The following SPOCK3 variants were observed in gnomAD, a reference collection of about 807,000 sequenced individuals.
SPOCK3 encodes SPARC (osteonectin), cwcv and kazal like domains proteoglycan 3.
Under a neutral mutation model 56.6 loss-of-function variants are expected in SPOCK3, and 30 were observed. The observed-to-expected ratio is 0.53, with a 90% CI of 0.40 to 0.72. SPOCK3 has a LOEUF of 0.72. Ranked by LOEUF, SPOCK3 falls within the 30% of genes least tolerant of loss-of-function variation. The pLI is 0.00. For synonymous variants in SPOCK3, 196 were observed against 183.3 expected, an observed-to-expected ratio of 1.07 and a Z score of -0.56; for missense variants, 527 against 530.0, an observed-to-expected ratio of 0.99 and a Z score of 0.06.
chr4:167,122,033 GCCTC>G (rs1175612396), intron 2 of SPOCK3, among the ~76,000 whole-genome samples: 1 of 150,722 alleles, frequency 6.6e-6, no homozygotes, highest in African/African-American at 2.4e-5. Flanking sequence ...TTCCCTCCCT[GCCTC>G]CCTCCCTTCC....
chr4:167,148,130 G>A (rs1764126997), intron 2 of SPOCK3, among the ~76,000 whole-genome samples: 1 of 152,024 alleles, frequency 6.6e-6, no homozygotes, highest in African/African-American at 2.4e-5. Flanking sequence ...ACTCTCAACA[G>A]TGTTCTTGAG....
chr4:167,040,619 G>C (rs1753159414), intron 3 of SPOCK3, among the ~76,000 whole-genome samples: 1 of 152,076 alleles, frequency 6.6e-6, no homozygotes, highest in Non-Finnish European at 1.5e-5. Flanking sequence ...ACATATTTTT[G>C]TAAATTTCTC....
intron 2 of SPOCK3, among the ~76,000 whole-genome samples, chr4:167,162,184 C>CA (rs1033080822): frequency 6.6e-6 from 1 of 151,894 alleles, no homozygotes; most frequent in African/African-American, 2.4e-5. Flanking sequence ...AAACCTAGCA[C>CA]AAAAAAATAC....
chr4:166,811,871 T>C (rs1743846105), intron 6 of SPOCK3, among the ~76,000 whole-genome samples: 1 of 151,896 alleles, frequency 6.6e-6, no homozygotes, highest in African/African-American at 2.4e-5. Context: ...AACAGTATTT[T>C]AGGAAAATGT....
rs547297714 is a variant in SPOCK3, at chr4:167,190,491, T to C, written c.189+43494A>G. Among the ~76,000 whole-genome samples the C allele has an allele frequency of 8.9e-5, 13 of 146,554 alleles. 1 individual carries two copies. Among genetic ancestry groups the C allele is most frequent in the African/African-American group, 2.8e-4 (11 of 38,614 alleles). ...ATTTGTTTTGGCATATTGAGTTGCA[T>C]GCATTCTTTACATATTTTTGGATGT... On this transcript the variant is annotated intron_variant, in intron 2 of 10. Transcript: ENST00000357545.
At chr4:166,947,755 C>T (rs561606620) in intron 4 of SPOCK3, among the ~76,000 whole-genome samples, 27 of 152,118 alleles carry the variant, frequency 1.8e-4, no homozygotes, top group East Asian at 7.7e-4. Context: ...CATAATTGCA[C>T]GGATTCATGA....
At chr4:167,129,223 A>G (rs1257645226) in intron 2 of SPOCK3, among the ~76,000 whole-genome samples, 3 of 152,236 alleles carry the variant, frequency 2.0e-5, no homozygotes, top group African/African-American at 7.2e-5. Flanking sequence ...AACTGTGAAG[A>G]TAGGGCTCAG....
chr4:167,225,532 T>A (rs1204044921), intron 2 of SPOCK3, among the ~76,000 whole-genome samples: 1 of 152,068 alleles, frequency 6.6e-6, no homozygotes. Flanking sequence ...TATTATTAAA[T>A]TAATTATGTG....
intron 7 of SPOCK3, among the ~76,000 whole-genome samples, chr4:166,783,366 A>G (rs17052596): frequency 0.037 from 5,581 of 152,234 alleles, 290 homozygotes; most frequent in African/African-American, 0.12. Context: ...CTAAAAAAAA[A>G]GAAAGCAGTA....
At chr4:166,989,650 G>A (rs1330407877) in intron 4 of SPOCK3, among the ~76,000 whole-genome samples, 1 of 152,072 alleles carries the variant, frequency 6.6e-6, no homozygotes, top group Non-Finnish European at 1.5e-5. Flanking sequence ...TTTAACCAAT[G>A]AAAAAGTTGA....
At chr4:166,870,402 C>G (rs754505263) in intron 6 of SPOCK3, among the ~76,000 whole-genome samples, 12 of 151,840 alleles carry the variant, frequency 7.9e-5, no homozygotes, top group Non-Finnish European at 1.6e-4. Flanking sequence ...CATCCCAAAC[C>G]CAAATTCTTC....
rs1409959614 is a variant in SPOCK3 at position 167,005,300 on chromosome 4, C to T, written c.236-4837G>A. ...TCTCAGCTCACTGCAAGCTCTGCCT[C>T]CCGGGTTCATGCCATTCTCCTGCCT... On this transcript the variant is annotated intron_variant, in intron 3 of 10. Transcript: ENST00000357545. Among the ~76,000 whole-genome samples the T allele has an allele frequency of 2.0e-5, 3 of 151,948 alleles. No individual in the cohort carries two copies. In the South Asian group the frequency reaches 6.2e-4, roughly 31 times the overall value.
chr4:167,071,811 A>G (rs1191601551), intron 2 of SPOCK3, among the ~76,000 whole-genome samples: 1 of 151,972 alleles, frequency 6.6e-6, no homozygotes, highest in Non-Finnish European at 1.5e-5. Context: ...GTCTTCCACA[A>G]TGGTTGAACT....
chr4:166,822,011 G>A (rs1744984498), intron 6 of SPOCK3, among the ~76,000 whole-genome samples: 1 of 151,938 alleles, frequency 6.6e-6, no homozygotes, highest in Non-Finnish European at 1.5e-5. Flanking sequence ...AAGTAGAATA[G>A]CATTTTTAAA....
rs1439719420 is a variant in SPOCK3, at chr4:166,889,158, G to T, written c.561C>A (p.Pro187=). The part of the protein sequence containing the change: ...EGHCPCPSDK[P]TSTSRNVKRA... The stretch of plus-strand genomic sequence containing the variant: ...TCTTAACATTTCTGCTTGTACTGGT[G>T]GGCTTATCTGAAGGACATGGGCAAT... Residue 187 remains proline, a synonymous_variant, in exon 6 of 11, where the codon CCC becomes CCA. Transcript: ENST00000357545. The T allele has an allele frequency of 6.2e-7, 1 of 1,609,850 alleles. No homozygotes were observed. The highest frequency in any genetic ancestry group is 8.5e-7 in the Non-Finnish European group (1 of 1,177,074).
intron 2 of SPOCK3, among the ~76,000 whole-genome samples, chr4:167,161,827 G>A (rs1185574297): frequency 6.8e-6 from 1 of 147,448 alleles, no homozygotes; most frequent in African/African-American, 2.5e-5. Context: ...ACTCATAGGT[G>A]GGAATTGAAC....
chr4:166,894,657 AC>A (rs1735170513), intron 5 of SPOCK3, among the ~76,000 whole-genome samples: 1 of 152,148 alleles, frequency 6.6e-6, no homozygotes, highest in African/African-American at 2.4e-5. Flanking sequence ...TCATGTAGTC[AC>A]GAACAAGTTA....
At chr4:166,797,822 T>C (rs1361151803) in intron 6 of SPOCK3, among the ~76,000 whole-genome samples, 2 of 152,194 alleles carry the variant, frequency 1.3e-5, no homozygotes, top group African/African-American at 4.8e-5. Context: ...TTTACATAGC[T>C]TGAATAATGT....
In SPOCK3 at chr4:166,803,023, G is replaced by T. The variant is rs1742778467; in HGVS notation, c.590-10734C>A. ...CAAAAGTGTAAAATCAGATAACTTG[G>T]TCTCCAATTGCTCTCTGACAAATAA... On this transcript the variant is annotated intron_variant, in intron 6 of 10. Transcript: ENST00000357545. 2.0e-5 allele frequency among the ~76,000 whole-genome samples: 3 copies of T among 152,060 alleles called. No homozygotes were observed. The South Asian group carries it at 6.2e-4, about 31-fold the overall frequency.
Sources: gnomAD v4.1 joint callset for allele counts (sites outside exome capture counted in the v4.1 genomes callset) on GRCh38, gnomAD v4.1.1 for gene constraint, MANE v1.5 for transcripts, NCBI Gene and HGNC (gene_info 2026-07-23, HGNC 2026-07-21) for gene names.